EPG5: variants seen among roughly 807,000 people sequenced by gnomAD.
EPG5 encodes ectopic P granules protein 5 homolog.
In EPG5, 159 loss-of-function variants were observed where a neutral mutation model predicts 302.7. The ratio of observed to expected loss-of-function variants is 0.53; its 90% CI spans 0.46 to 0.60. The LOEUF (loss-of-function observed/expected upper bound fraction) is 0.60, where lower values mean the gene tolerates loss of function less well. Ranked by LOEUF, EPG5 falls within the 20% of genes least tolerant of loss-of-function variation. The pLI is 0.00. For missense variants in EPG5, 2,896 were observed against 3,092.4 expected (o/e 0.94, Z 1.51); for synonymous variants, 1,158 against 1,136.8 (o/e 1.02, Z -0.37).
At chr18:45,916,407 G>C in intron 18 of EPG5, 31 bp downstream of exon 18, 1 of 1,596,824 alleles carries the variant, frequency 6.3e-7, no homozygotes, top group Non-Finnish European at 8.6e-7. Context: ...AGACAGGCGG[G>C]AGTGTGCTTA....
chr18:45,938,204 T>G (rs1350117172), intron 10 of EPG5, among the ~76,000 whole-genome samples: 1 of 152,136 alleles, frequency 6.6e-6, no homozygotes, highest in Non-Finnish European at 1.5e-5. Context: ...CTCATGTCTG[T>G]AATCACAGCA....
intron 1 of EPG5, among the ~76,000 whole-genome samples, chr18:45,961,814 C>T (rs1196293874): frequency 3.3e-5 from 5 of 150,452 alleles, no homozygotes; most frequent in Non-Finnish European, 7.4e-5. Flanking sequence ...GCCAAGATCG[C>T]GCCACTGCAC....
intron 11 of EPG5, among the ~76,000 whole-genome samples, 181 bp downstream of exon 11, chr18:45,934,628 T>C (rs973058529): frequency 8.5e-5 from 13 of 152,244 alleles, no homozygotes; most frequent in African/African-American, 2.2e-4. Flanking sequence ...ATTTCAGATA[T>C]GCTAGTTGCT....
rs757251253 is a variant in EPG5, at chr18:45,882,391, G to C, written c.5401C>G (p.Leu1801Val). ...SIHLALTAWG[L>V]EPDEDILMPF... ...ATCAAAATATCCTCATCTGGTTCAAGGCCCCAGGCAGTAAGTGCCAAGTGA... is the reference window on the plus strand; with the variant it reads ...ATCAAAATATCCTCATCTGGTTCAACGCCCCAGGCAGTAAGTGCCAAGTGA... The change falls in exon 31 of 44, where the codon CTT (leucine) becomes GTT (valine). Residue 1801 changes from leucine (L) to valine (V), a missense_variant. By Grantham distance (32) the Leu-to-Val change is conservative. This residue lies in a region of EPG5 where 790 missense variants were observed against 798.0 expected (regional missense o/e 0.99). Transcript: ENST00000282041. 6.2e-7 allele frequency: 1 copy of C among 1,614,164 alleles called. No homozygotes were observed. The highest frequency in any genetic ancestry group is 1.7e-5 in the Admixed American group (1 of 60,026).
In EPG5 at chr18:45,889,907, G is replaced by T; in HGVS notation, c.4843C>A (p.Gln1615Lys). Residue 1615 changes from glutamine to lysine, a missense_variant, in exon 28 of 44, where the codon CAA (glutamine) becomes AAA (lysine). Coordinates refer to ENST00000282041, the MANE Select transcript of EPG5 (RefSeq NM_020964.3). The stretch of plus-strand genomic sequence containing the variant: ...TCCTTCCGTAAAACATGAAGCTGTT[G>T]GCTTATGGCTTCATTCTTATGCATG... ...EGMHKNEAIS[Q>K]QLHVLRKEVK... 1 of 1,603,960 alleles carries T rather than the reference G, an allele frequency of 6.2e-7. No homozygotes were observed. The highest frequency in any genetic ancestry group is 1.3e-5 in the African/African-American group (1 of 74,800).
intron 20 of EPG5, among the ~76,000 whole-genome samples, chr18:45,914,077 C>G (rs1364015110): frequency 6.6e-6 from 1 of 152,190 alleles, no homozygotes; most frequent in Non-Finnish European, 1.5e-5. Context: ...TGTTCATTAA[C>G]TCCATATTTA....
At chr18:45,936,800 T>TA (rs1252638722) in intron 10 of EPG5, among the ~76,000 whole-genome samples, 19 of 143,082 alleles carry the variant, frequency 1.3e-4, no homozygotes, top group African/African-American at 4.5e-4. Flanking sequence ...AAAAAAAACT[T>TA]AAAAAAATAC....
At chr18:45,924,439 G>A (rs1032521914) in intron 14 of EPG5, among the ~76,000 whole-genome samples, 2 of 152,158 alleles carry the variant, frequency 1.3e-5, no homozygotes, top group Admixed American at 6.5e-5. Flanking sequence ...AAAAGCTCCC[G>A]GGCTTCAGTT....
Position 45,858,703 on chromosome 18 carries a change from C to A in EPG5, c.7089G>T (p.Leu2363=), listed in dbSNP as rs2048568464. 4 of 1,614,062 alleles carry A rather than the reference C, an allele frequency of 2.5e-6. No individual in the cohort carries two copies. In the South Asian group the frequency reaches 4.4e-5, roughly 18 times the overall value. ...QVPELTMEEF[L]QECLTLGSYL... Reference sequence around the variant, plus strand: ...AACTGCCCAAGGTGAGGCACTCCTGCAGGAACTCTTCCATGGTGAGCTCGG... The same window carrying A: ...AACTGCCCAAGGTGAGGCACTCCTGAAGGAACTCTTCCATGGTGAGCTCGG... Residue 2363 remains leucine (L), a synonymous_variant, in exon 41 of 44, where the codon CTG becomes CTT. Transcript: ENST00000282041.
At chr18:45,925,022 C>T (rs1185901870) in intron 14 of EPG5, among the ~76,000 whole-genome samples, 1 of 152,154 alleles carries the variant, frequency 6.6e-6, no homozygotes, top group African/African-American at 2.4e-5. Context: ...GGGATCAGAA[C>T]CCAGGGAGGC....
intron 27 of EPG5, among the ~76,000 whole-genome samples, chr18:45,891,253 C>T (rs2049338720): frequency 6.6e-6 from 1 of 152,054 alleles, no homozygotes; most frequent in Non-Finnish European, 1.5e-5. Flanking sequence ...AATCCCAGCA[C>T]TTTGGGAGGC....
At chr18:45,855,834 G>T in intron 42 of EPG5, 147 bp from the exon 43 acceptor site, 2 of 609,832 alleles carry the variant, frequency 3.3e-6, no homozygotes, top group East Asian at 5.6e-5. Flanking sequence ...TCTTAAATAT[G>T]ATCAAGAAGA....
the EPG5 span, among the ~76,000 whole-genome samples, chr18:45,835,907 C>T: frequency 6.6e-6 from 1 of 152,124 alleles, no homozygotes; most frequent in Non-Finnish European, 1.5e-5. Context: ...ATTTTTCCAC[C>T]AGAAAAGAGA....
At chr18:45,828,151 C>T in the EPG5 span, among the ~76,000 whole-genome samples, 16 of 152,200 alleles carry the variant, frequency 1.1e-4, no homozygotes, top group Non-Finnish European at 1.9e-4. Flanking sequence ...GGCTCTGCTC[C>T]ACCACCGTGT....
the EPG5 span, among the ~76,000 whole-genome samples, chr18:45,815,531 T>C: frequency 6.6e-6 from 1 of 152,110 alleles, no homozygotes; most frequent in Non-Finnish European, 1.5e-5. Flanking sequence ...AACTCAACCC[T>C]TTCACAATGG....
At chr18:45,871,222 CAACA>C (rs1373063786) in intron 35 of EPG5, among the ~76,000 whole-genome samples, 1 of 152,142 alleles carries the variant, frequency 6.6e-6, no homozygotes, top group African/African-American at 2.4e-5. Flanking sequence ...ACTAAAACCA[CAACA>C]ATGTATCAGT....
chr18:45,835,771 C>G, the EPG5 span, among the ~76,000 whole-genome samples: 7 of 152,196 alleles, frequency 4.6e-5, no homozygotes, highest in Admixed American at 4.6e-4. Context: ...CCCAGGGCAG[C>G]ACTGTGGGAC....
At chr18:45,959,024 C>T (rs1035219663) in intron 1 of EPG5, among the ~76,000 whole-genome samples, 1 of 151,662 alleles carries the variant, frequency 6.6e-6, no homozygotes, top group African/African-American at 2.4e-5. Flanking sequence ...TCCTTAAAAA[C>T]TCTGCTCTCT....
chr18:45,831,255 T>C, the EPG5 span, among the ~76,000 whole-genome samples: 1 of 152,234 alleles, frequency 6.6e-6, no homozygotes. Context: ...CCTTCTGGGT[T>C]CACTCCTTCT....
Sources: allele counts gnomAD v4.1 joint callset (sites outside exome capture counted in the v4.1 genomes callset), GRCh38; gene constraint gnomAD v4.1.1; regional missense constraint gnomAD v4.1.1; transcripts MANE v1.5; gene names NCBI Gene and HGNC (gene_info 2026-07-23, HGNC 2026-07-21).